Variants in MAZ observed in about 807,000 individuals in gnomAD.
The protein encoded by MAZ is MYC associated zinc finger protein, also known as myc-associated zinc finger protein.
Under a neutral mutation model 32.7 loss-of-function variants are expected in MAZ, and 4 were observed. The ratio of observed to expected loss-of-function variants is 0.12; its 90% CI spans 0.06 to 0.28. The LOEUF is 0.28. Ranked by LOEUF, MAZ falls within the 10% of genes least tolerant of loss-of-function variation. The probability of loss-of-function intolerance (pLI) is 1.00; values close to 1 mark genes in which losing one functional copy is unlikely to be tolerated. For missense variants in MAZ, 763 were observed against 667.2 expected, an observed-to-expected ratio of 1.14 and a Z score of -1.58; for synonymous variants, 510 against 297.6, an observed-to-expected ratio of 1.71 and a Z score of -7.35.
At chr16:29,808,429 A>T in intron 3 of MAZ, 136 bp downstream of exon 3, 1 of 1,010,054 alleles carries the variant, frequency 9.9e-7, no homozygotes. Flanking sequence ...CCCTTCTTCA[A>T]GGCCTCATCA....
chr16:29,807,741 A>G lies in MAZ; in HGVS notation c.956A>G (p.Lys319Arg). The G allele has an allele frequency of 1.2e-6, 2 of 1,612,818 alleles. No homozygotes were observed. Among genetic ancestry groups the G allele is most frequent in the Non-Finnish European group, 1.7e-6 (2 of 1,179,968 alleles). ...GTGTGCCAGCAGCGCTTCAAGCGCA[A>G]GGACCGCATGAGCTACCACGTGCGC... ...CPVCQQRFKRKDRMSYHVRSH... is the reference protein window; with the variant it reads ...CPVCQQRFKRRDRMSYHVRSH... The change falls in exon 2 of 5, where the codon AAG becomes AGG. Residue 319 changes from lysine (K) to arginine (R), a missense_variant. Transcript: ENST00000322945.
At position 29,807,709 on chromosome 16, in the gene MAZ, G is replaced by A; in HGVS notation, c.924G>A (p.Gln308=). 1 of 1,612,940 alleles carries A rather than the reference G, an allele frequency of 6.2e-7. No individual in the cohort carries two copies. The highest frequency in any genetic ancestry group is 8.5e-7 in the Non-Finnish European group (1 of 1,179,982). The change falls in exon 2 of 5, where the codon CAG becomes CAA. Residue 308 remains glutamine (Q), a synonymous_variant. Coordinates refer to ENST00000322945, the MANE Select transcript of MAZ (RefSeq NM_002383.4). ...CGCACTCGGACGAGAAGCCCTACCAGTGCCCGGTGTGCCAGCAGCGCTTCA... is the reference window on the plus strand; with the variant it reads ...CGCACTCGGACGAGAAGCCCTACCAATGCCCGGTGTGCCAGCAGCGCTTCA... ...KLSHSDEKPY[Q]CPVCQQRFKR...
Position 29,808,716 on chromosome 16 carries a change from C to G in MAZ, c.1254C>G (p.His418Gln), listed in dbSNP as rs372370617. ...DHMKVHSQGP[H>Q]HVCELCNKGT... Reference sequence around the variant, plus strand: ...TGAAGGTGCACAGCCAGGGTCCTCACCATGTCTGTGAGCTCTGCAACAAAG... The same window carrying G: ...TGAAGGTGCACAGCCAGGGTCCTCAGCATGTCTGTGAGCTCTGCAACAAAG... Residue 418 changes from histidine (H) to glutamine (Q), a missense_variant, in exon 4 of 5, where the codon CAC becomes CAG. Coordinates refer to ENST00000322945, the MANE Select transcript of MAZ (RefSeq NM_002383.4). 6.2e-7 allele frequency: 1 copy of G among 1,613,924 alleles called. No homozygotes were observed. The highest frequency in any genetic ancestry group is 8.5e-7 in the Non-Finnish European group (1 of 1,179,972).
intron 4 of MAZ, chr16:29,808,968 T>G (rs949154241): frequency 1.6e-5 from 9 of 568,366 alleles, no homozygotes; most frequent in Non-Finnish European, 2.5e-5. Flanking sequence ...CTCCTGGTAA[T>G]GTGTGGGGAA....
At chr16:29,809,047 C>G (rs1285246782) in intron 4 of MAZ, 2 of 539,288 alleles carry the variant, frequency 3.7e-6, no homozygotes, top group East Asian at 6.2e-5. Flanking sequence ...GGTCACAAGG[C>G]AAGGTTTCCG....
At chr16:29,808,392 T>A in intron 3 of MAZ, 99 bp downstream of exon 3, 1 of 1,231,274 alleles carries the variant, frequency 8.1e-7, no homozygotes, top group South Asian at 1.2e-5. Context: ...TCTCTCTTCT[T>A]TTTGCCTTTT....
At chr16:29,808,452 T>A in intron 3 of MAZ, 118 bp from the exon 4 acceptor site, 2 of 987,086 alleles carry the variant, frequency 2.0e-6, no homozygotes, top group Non-Finnish European at 3.1e-6. Context: ...TCACTCCCAT[T>A]TCCTACAGAT....
rs201662748 is a variant in MAZ at position 29,810,108 on chromosome 16, A to G, written c.1311A>G (p.Ala437=). 1,696 of 1,542,892 alleles carry G rather than the reference A, an allele frequency of 1.1e-3. 3 individuals are homozygous for G. The highest frequency in any genetic ancestry group is 1.2e-3 in the Non-Finnish European group (1,397 of 1,140,266). Residue 437 remains alanine (A), a synonymous_variant, in exon 5 of 5, where the codon GCA becomes GCG. Coordinates refer to ENST00000322945, the MANE Select transcript of MAZ (RefSeq NM_002383.4). ...GTGEVCPMAA[A]AAAAAAAAAA... is the part of the protein sequence containing the mutation. ...GTGAGGTTTGTCCAATGGCGGCGGC[A>G]GCGGCAGCGGCGGCAGCGGCAGCAG...
Position 29,810,124 on chromosome 16 carries a change from G to A in MAZ, c.1327G>A (p.Ala443Thr), listed in dbSNP as rs368361570. 1 of 1,605,366 alleles carries A rather than the reference G, an allele frequency of 6.2e-7. No individual in the cohort carries two copies. The highest frequency in any genetic ancestry group is 8.5e-7 in the Non-Finnish European group (1 of 1,175,466). Residue 443 changes from alanine to threonine, a missense_variant, in exon 5 of 5, where the codon GCG (alanine) becomes ACG (threonine). Transcript: ENST00000322945. ...GGCGGCGGCAGCGGCAGCGGCGGCA[G>A]CGGCAGCAGCGGCAGCAGTAGCAGC... The part of the protein sequence containing the change: ...PMAAAAAAAA[A>T]AAAAAVAAPP...
chr16:29,806,401 A>ACCG (rs1240478598), upstream of MAZ: 731 of 103,812 alleles, frequency 7.0e-3, 7 homozygotes, highest in African/African-American at 0.019. Flanking sequence ...CCAGGCTCCA[A>ACCG]CCGCCGCCGC....
Position 29,810,437 on chromosome 16 carries a change from C to T in MAZ, c.*206C>T, listed in dbSNP as rs1350295879. ...GCTCCTCTTCTGTCAGACCTGACCC[C>T]ACACAAACCTGTCCCCTCGGTTGTG... On this transcript the variant is annotated 3_prime_UTR_variant, in exon 5 of 5. Transcript: ENST00000322945. The T allele has an allele frequency of 4.1e-6, 3 of 723,302 alleles. No individual in the cohort carries two copies. The highest frequency in any genetic ancestry group is 1.5e-5 in the South Asian group (1 of 67,876). 44.8% of individuals were successfully genotyped at this position (723,302 alleles called of 1,614,324 possible).
rs1217131692 is a variant in MAZ, at chr16:29,806,660, C to T, written c.-42C>T. ...CCGGGCCCCGCGCGGCCCGCGCCCC[C>T]GGCCCCCGCTGAGCCCCGGGGGCCC... On this transcript the variant is annotated 5_prime_UTR_variant, in exon 1 of 5. Transcript: ENST00000322945. 17 of 1,005,696 alleles carry T rather than the reference C, an allele frequency of 1.7e-5. No individual in the cohort carries two copies. Among genetic ancestry groups the T allele is most frequent in the Non-Finnish European group, 1.9e-5 (16 of 840,002 alleles). 62.3% of individuals were successfully genotyped at this position (1,005,696 alleles called of 1,614,324 possible).
Position 29,810,232 on chromosome 16 carries a change from G to C in MAZ, c.*1G>C. 2.5e-6 allele frequency: 4 copies of C among 1,586,460 alleles called. No individual in the cohort carries two copies. Among genetic ancestry groups the C allele is most frequent in the Non-Finnish European group, 3.4e-6 (4 of 1,166,250 alleles). ...GCCACTTCCCTCCCAACCCTGGTGA[G>C]CTCCAAGTTGGTTGCGGGGGAGAGG... On this transcript the variant is annotated 3_prime_UTR_variant, in exon 5 of 5. Coordinates refer to ENST00000322945, the MANE Select transcript of MAZ (RefSeq NM_002383.4).
chr16:29,809,400 G>T, intron 4 of MAZ: 2 of 649,450 alleles, frequency 3.1e-6, no homozygotes, highest in Non-Finnish European at 5.5e-6. Context: ...CAACAGAGCA[G>T]TTGGCCCCAG....
rs1369324219 is a variant in MAZ, at chr16:29,807,227, G to T, written c.442G>T (p.Ala148Ser). ...PPVSAPAAEA[A>S]PPASAATIAA... The stretch of plus-strand genomic sequence containing the variant: ...AGTGTCGGCGCCCGCGGCCGAGGCC[G>T]CGCCCCCCGCCTCCGCCGCCACTAT... Residue 148 changes from alanine to serine, a missense_variant, in exon 2 of 5, where the codon GCG (alanine) becomes TCG (serine). Ala to Ser is a moderately conservative substitution (Grantham distance 99). Coordinates refer to ENST00000322945, the MANE Select transcript of MAZ (RefSeq NM_002383.4). 3.3e-5 allele frequency: 43 copies of T among 1,311,246 alleles called. No homozygotes were observed. Among genetic ancestry groups the T allele is most frequent in the Non-Finnish European group, 3.6e-5 (37 of 1,029,592 alleles). The allele number at this position is 1,311,246 out of a possible 1,614,324, so 81.2% of individuals were successfully genotyped here. A position where few individuals can be genotyped will look rare whatever the true frequency, so the allele number is the denominator to read the frequency against.
intron 2 of MAZ, 157 bp from the exon 3 acceptor site, chr16:29,808,073 T>G (rs1225867589): frequency 2.1e-6 from 2 of 973,756 alleles, no homozygotes; most frequent in Admixed American, 2.4e-5. Context: ...CGGCAGCGGC[T>G]GCTGGGCTCC....
rs1351276649 is a variant in MAZ, at chr16:29,810,160, G to T, written c.1363G>T (p.Ala455Ser). 1.2e-6 allele frequency: 2 copies of T among 1,611,794 alleles called. No homozygotes were observed. Among genetic ancestry groups the T allele is most frequent in the Non-Finnish European group, 1.7e-6 (2 of 1,179,318 alleles). The change falls in exon 5 of 5, where the codon GCT (alanine) becomes TCT (serine). Residue 455 changes from alanine to serine, a missense_variant. Physicochemically the swap from Ala to Ser is moderately conservative, Grantham distance 99. Coordinates refer to ENST00000322945, the MANE Select transcript of MAZ (RefSeq NM_002383.4). The stretch of plus-strand genomic sequence containing the variant: ...GGCAGCAGTAGCAGCCCCTCCCACA[G>T]CTGTGGGCTCCCTCTCGGGGGCGGA... ...AAAAVAAPPT[A>S]VGSLSGAEGV...
Position 29,807,844 on chromosome 16 carries a change from CG to C in MAZ, c.1043+18del, listed in dbSNP as rs1223897169. ...GCTTCTCCCGGTGTGCACGGGGCCT[CG>C]GCCGCCCGCTAGGCCGTGGGGAGGG... is the stretch of plus-strand genomic sequence containing the variant. On this transcript the variant is annotated intron_variant, in intron 2 of 4. Coordinates refer to ENST00000322945, the MANE Select transcript of MAZ (RefSeq NM_002383.4). The C allele has an allele frequency of 6.3e-7, 1 of 1,597,104 alleles. No individual in the cohort carries two copies. Among genetic ancestry groups the C allele is most frequent in the South Asian group, 1.1e-5 (1 of 90,978 alleles).
At position 29,808,064 on chromosome 16, in the gene MAZ, G is replaced by GGCA. The variant is rs1027742505; in HGVS notation, c.1044-163_1044-161dup. Reference sequence around the variant, plus strand: ...TCGCGTGGGAGGAGGCGGCGGCGGCGGCAGCGGCTGCTGGGCTCCAGGGGA... The same window carrying GGCA: ...TCGCGTGGGAGGAGGCGGCGGCGGCGGCAGCAGCGGCTGCTGGGCTCCAGGGGA... On this transcript the variant is annotated intron_variant, in intron 2 of 4. Transcript: ENST00000322945. 9 of 981,538 alleles carry GGCA rather than the reference G, an allele frequency of 9.2e-6. No homozygotes were observed. In the African/African-American group the frequency reaches 1.5e-4, roughly 16 times the overall value. The allele number at this position is 981,538 out of a possible 1,614,324, so 60.8% of individuals were successfully genotyped here.
Sources: gnomAD v4.1 joint callset for allele counts on GRCh38, gnomAD v4.1.1 for gene constraint, MANE v1.5 for transcripts, NCBI Gene and HGNC (gene_info 2026-07-23, HGNC 2026-07-21) for gene names.